The following TASP1 variants were observed in gnomAD, a reference collection of about 807,000 sequenced individuals.
TASP1 encodes taspase 1.
In TASP1, 16 loss-of-function variants were observed where a neutral mutation model predicts 56.6. The observed-to-expected ratio is 0.28, with a 90% CI of 0.19 to 0.43. The LOEUF (loss-of-function observed/expected upper bound fraction) is 0.43. Ranked by LOEUF, TASP1 falls within the 20% of genes least tolerant of loss-of-function variation. The pLI is 1.00. For missense variants in TASP1, 393 were observed against 511.6 expected (o/e 0.77, Z 2.24); for synonymous variants, 179 against 184.2 (o/e 0.97, Z 0.23).
rs71188165 is a variant in TASP1 at position 13,576,342 on chromosome 20, G to GAAGAAAGAAAGAAAGA, written c.488+4539_488+4554dup. On this transcript the variant is annotated intron_variant, in intron 6 of 13. Transcript: ENST00000337743. ...AGAAAGAAAAGAGAAAGAAAGAAAG[G>GAAGAAAGAAAGAAAGA]AAGAAAGAAAGAAAGAAAGAAAGAA... 3.2e-3 allele frequency among the ~76,000 whole-genome samples: 424 copies of GAAGAAAGAAAGAAAGA among 131,718 alleles called. 2 individuals are homozygous for GAAGAAAGAAAGAAAGA. Among genetic ancestry groups the GAAGAAAGAAAGAAAGA allele is most frequent in the Admixed American group, 4.8e-3 (59 of 12,380 alleles). 86.4% of individuals were successfully genotyped at this position (131,718 alleles called of 152,430 possible).
intron 12 of TASP1, among the ~76,000 whole-genome samples, chr20:13,430,568 A>G (rs2042771465): frequency 6.6e-6 from 1 of 152,208 alleles, no homozygotes; most frequent in Non-Finnish European, 1.5e-5. Flanking sequence ...GGAGTGATTC[A>G]ACAGAGAGCC....
At chr20:13,433,841 T>TAAAAAAAAAAAAAAAAAAAAAAAA (rs111973613) in intron 12 of TASP1, among the ~76,000 whole-genome samples, 1 of 116,186 alleles carries the variant, frequency 8.6e-6, no homozygotes, top group African/African-American at 3.4e-5. Flanking sequence ...GTGTTTGTAT[T>TAAAAAAAAAAAAAAAAAAAAAAAA]AAAAAAAAAA....
chr20:13,388,777 T>C (rs2041182779), downstream of TASP1, among the ~76,000 whole-genome samples: 1 of 152,210 alleles, frequency 6.6e-6, no homozygotes, highest in Non-Finnish European at 1.5e-5. Context: ...CCAACCTGTC[T>C]ATGAGAGCAC....
chr20:13,207,213 C>T, the TASP1 span, among the ~76,000 whole-genome samples: 4 of 152,194 alleles, frequency 2.6e-5, no homozygotes, highest in African/African-American at 9.7e-5. Flanking sequence ...CAAGTCAGGT[C>T]AAGGTCTGCT....
intron 11 of TASP1, among the ~76,000 whole-genome samples, chr20:13,449,986 G>A (rs994426064): frequency 2.0e-5 from 3 of 152,052 alleles, no homozygotes; most frequent in East Asian, 1.9e-4. Context: ...TGAAGATACC[G>A]AAGGTTCATT....
At chr20:13,405,497 G>T (rs556281651) in intron 13 of TASP1, among the ~76,000 whole-genome samples, 1 of 152,060 alleles carries the variant, frequency 6.6e-6, no homozygotes, top group Non-Finnish European at 1.5e-5. Flanking sequence ...CACACTGCTG[G>T]TGATTATTCT....
At chr20:13,629,537 T>A (rs936276685) in intron 2 of TASP1, among the ~76,000 whole-genome samples, 3 of 151,836 alleles carry the variant, frequency 2.0e-5, no homozygotes, top group African/African-American at 4.8e-5. Flanking sequence ...AGTGGCATGA[T>A]GTCGGCTCAC....
At chr20:13,333,395 A>C in the TASP1 span, among the ~76,000 whole-genome samples, 1 of 152,190 alleles carries the variant, frequency 6.6e-6, no homozygotes, top group African/African-American at 2.4e-5. Context: ...ACAAAGATAA[A>C]GGCACCTTAG....
chr20:13,317,755 T>C, the TASP1 span, among the ~76,000 whole-genome samples: 1 of 152,114 alleles, frequency 6.6e-6, no homozygotes, highest in Non-Finnish European at 1.5e-5. Context: ...CAAATGAATC[T>C]AGTCACAGAC....
intron 4 of TASP1, among the ~76,000 whole-genome samples, chr20:13,614,486 C>T (rs973901022): frequency 6.6e-6 from 1 of 152,108 alleles, no homozygotes; most frequent in African/African-American, 2.4e-5. Context: ...ATAAAATATT[C>T]TGTCCAAAAA....
At chr20:13,507,460 G>A (rs1045376042) in intron 10 of TASP1, among the ~76,000 whole-genome samples, 2 of 152,096 alleles carry the variant, frequency 1.3e-5, no homozygotes, top group African/African-American at 2.4e-5. Flanking sequence ...TTGAGCCCAG[G>A]AGGCGATTCC....
chr20:13,452,910 T>C (rs2043677627), intron 11 of TASP1, among the ~76,000 whole-genome samples: 1 of 152,026 alleles, frequency 6.6e-6, no homozygotes, highest in Non-Finnish European at 1.5e-5. Context: ...ACACTTAGTA[T>C]CCACTACATG....
At chr20:13,618,525 C>T (rs2048602223) in intron 4 of TASP1, among the ~76,000 whole-genome samples, 1 of 152,044 alleles carries the variant, frequency 6.6e-6, no homozygotes, top group African/African-American at 2.4e-5. Context: ...ACCAAAATAT[C>T]AGTCACCTGA....
chr20:13,183,703 A>G, the TASP1 span, among the ~76,000 whole-genome samples: 5 of 152,196 alleles, frequency 3.3e-5, no homozygotes, highest in Admixed American at 3.3e-4. Flanking sequence ...CAGATTATCA[A>G]GCAATAGCAC....
chr20:13,599,183 T>G (rs2047859618), intron 4 of TASP1, among the ~76,000 whole-genome samples: 1 of 152,228 alleles, frequency 6.6e-6, no homozygotes, highest in Non-Finnish European at 1.5e-5. Context: ...ACTGGGTATA[T>G]GCCCAAAAGA....
intron 11 of TASP1, among the ~76,000 whole-genome samples, chr20:13,443,608 T>C (rs181064987): frequency 6.6e-6 from 1 of 152,358 alleles, no homozygotes; most frequent in Admixed American, 6.5e-5. Flanking sequence ...ATGTATGTAA[T>C]CTGGACATTC....
the TASP1 span, among the ~76,000 whole-genome samples, chr20:13,371,566 T>C: frequency 6.6e-6 from 1 of 152,208 alleles, no homozygotes; most frequent in Non-Finnish European, 1.5e-5. Context: ...TTGTATAGCC[T>C]GACATACAGT....
At chr20:13,602,392 C>T (rs2047995679) in intron 4 of TASP1, among the ~76,000 whole-genome samples, 1 of 152,132 alleles carries the variant, frequency 6.6e-6, no homozygotes, top group Admixed American at 6.6e-5. Flanking sequence ...AGAAAAAAGG[C>T]ATTAGGCAAA....
chr20:13,554,184 G>C (rs1452443147), intron 8 of TASP1, among the ~76,000 whole-genome samples: 2 of 152,158 alleles, frequency 1.3e-5, no homozygotes, highest in Non-Finnish European at 2.9e-5. Context: ...TACCAGATAT[G>C]TTAGCCCTAG....
Sources: gnomAD v4.1 joint callset for allele counts (sites outside exome capture counted in the v4.1 genomes callset) on GRCh38, gnomAD v4.1.1 for gene constraint, MANE v1.5 for transcripts, NCBI Gene and HGNC (gene_info 2026-07-23, HGNC 2026-07-21) for gene names.